Variants in LDHB observed in about 807,000 individuals in gnomAD.
The protein encoded by LDHB is lactate dehydrogenase B, also known as L-lactate dehydrogenase B chain.
Under a neutral mutation model 33.4 loss-of-function variants are expected in LDHB, and 18 were observed. The observed-to-expected ratio is 0.54, with a 90% CI of 0.37 to 0.80. LDHB has a LOEUF of 0.80. LDHB is among the 30% of genes least tolerant of loss of function. The pLI, the probability that LDHB is intolerant of heterozygous loss-of-function variation, is 0.00. For missense variants in LDHB, 345 were observed against 407.9 expected, an observed-to-expected ratio of 0.85 and a Z score of 1.33; for synonymous variants, 121 against 140.6, an observed-to-expected ratio of 0.86 and a Z score of 0.98.
At chr12:21,654,056 A>C (rs1231460954) in intron 2 of LDHB, among the ~76,000 whole-genome samples, 5 of 152,192 alleles carry the variant, frequency 3.3e-5, no homozygotes, top group Admixed American at 6.5e-5. Context: ...ATTCAACCCG[A>C]GCTGAATTAC....
intron 1 of LDHB, chr12:21,657,134 A>G (rs954796368): frequency 6.6e-6 from 1 of 152,158 alleles, no homozygotes; most frequent in African/African-American, 2.4e-5. Flanking sequence ...CCTTACTCGG[A>G]GCACCCAAGG....
intron 2 of LDHB, 59 bp downstream of exon 2, chr12:21,654,484 A>G: frequency 1.3e-6 from 2 of 1,548,876 alleles, no homozygotes; most frequent in South Asian, 1.1e-5. Flanking sequence ...CAAGGTGCCC[A>G]AAGAAACTGT....
chr12:21,652,838 T>C (rs1473592920), intron 2 of LDHB, among the ~76,000 whole-genome samples: 1 of 148,800 alleles, frequency 6.7e-6, no homozygotes, highest in Non-Finnish European at 1.5e-5. Flanking sequence ...TGCAAAAGGA[T>C]AAAATGTTCA....
At chr12:21,647,860 CT>C (rs1938571596) in intron 2 of LDHB, among the ~76,000 whole-genome samples, 1 of 151,992 alleles carries the variant, frequency 6.6e-6, no homozygotes, top group Non-Finnish European at 1.5e-5. Context: ...CCACACCCAG[CT>C]AATTTTTGTA....
Position 21,642,091 on chromosome 12 carries a change from A to G in LDHB, c.456T>C (p.Ser152=). ...DILTYVTWKL[S]GLPKHRVIGS... ...CAATCACGCGGTGTTTGGGTAATCC[A>G]CTTAGTTTCCAGGTAACATACGTAA... The change falls in exon 5 of 8, where the codon AGT becomes AGC. Residue 152 remains serine (S), a synonymous_variant. Coordinates refer to ENST00000350669, the MANE Select transcript of LDHB (RefSeq NM_002300.8). 6.2e-7 allele frequency: 1 copy of G among 1,613,570 alleles called. No individual in the cohort carries two copies. Among genetic ancestry groups the G allele is most frequent in the African/African-American group, 1.3e-5 (1 of 75,020 alleles).
chr12:21,644,434 A>AAAAAAAAAC (rs1938464621), intron 3 of LDHB, among the ~76,000 whole-genome samples: 1 of 104,512 alleles, frequency 9.6e-6, no homozygotes, highest in Non-Finnish European at 1.9e-5. Context: ...CAAAAAAAAA[A>AAAAAAAAAC]AAAAAAAAAA....
Position 21,635,535 on chromosome 12 carries a change from T to C in LDHB, c.*7A>G, listed in dbSNP as rs771048934. ...TTTTTAAATTTCTACAGCCTAGAGC[T>C]CACTAGTCACAGGTCTTTTAGGTCC... is the stretch of plus-strand genomic sequence containing the variant. On this transcript the variant is annotated 3_prime_UTR_variant, in exon 8 of 8. Coordinates refer to ENST00000350669, the MANE Select transcript of LDHB (RefSeq NM_002300.8). 7 of 1,609,438 alleles carry C rather than the reference T, an allele frequency of 4.3e-6. No individual in the cohort carries two copies. Among genetic ancestry groups the C allele is most frequent in the African/African-American group, 1.3e-5 (1 of 74,910 alleles).
chr12:21,643,764 T>C, intron 4 of LDHB, 171 bp downstream of exon 4: 1 of 613,680 alleles, frequency 1.6e-6, no homozygotes, highest in East Asian at 2.7e-5. Context: ...ACATCTGGCC[T>C]GGGACAGAGG....
chr12:21,652,175 T>C (rs1397096286), intron 2 of LDHB, among the ~76,000 whole-genome samples: 2 of 152,236 alleles, frequency 1.3e-5, no homozygotes, highest in Non-Finnish European at 2.9e-5. Context: ...GGCTCAAATT[T>C]TGAGATTAAC....
intron 2 of LDHB, among the ~76,000 whole-genome samples, chr12:21,648,759 C>T (rs747065277): frequency 6.6e-5 from 10 of 152,224 alleles, no homozygotes; most frequent in Admixed American, 2.0e-4. Context: ...TTGCTAAAAT[C>T]TAAGTGGCTG....
chr12:21,641,930 TA>T, intron 5 of LDHB, 21 bp downstream of exon 5: 2 of 1,596,318 alleles, frequency 1.3e-6, no homozygotes, highest in African/African-American at 1.3e-5. Flanking sequence ...CACAAGTAAT[TA>T]TTTCTTTTTT....
chr12:21,638,264 A>G, intron 6 of LDHB, 89 bp downstream of exon 6: 3 of 801,344 alleles, frequency 3.7e-6, no homozygotes. Context: ...TTAAGAGTTT[A>G]TCTGAGCAGA....
chr12:21,646,431 C>A (rs1423623615), intron 3 of LDHB, among the ~76,000 whole-genome samples: 2 of 152,132 alleles, frequency 1.3e-5, no homozygotes, highest in Admixed American at 6.5e-5. Flanking sequence ...GCTATGTGTA[C>A]ATTTTAGCAG....
In LDHB at chr12:21,646,947, G is replaced by A. The variant is rs180857589; in HGVS notation, c.199C>T (p.Gln67Ter). 1 of 1,613,462 alleles carries A rather than the reference G, an allele frequency of 6.2e-7. No individual in the cohort carries two copies. Among genetic ancestry groups the A allele is most frequent in the African/African-American group, 1.3e-5 (1 of 75,026 alleles). The change falls in exon 3 of 8, where the codon CAG becomes TAG. Residue 67 changes from glutamine to a stop codon, truncating the protein, a stop_gained. Transcript: ENST00000350669. LOFTEE classifies it high-confidence loss of function. Reference protein sequence around the residue: ...DKLKGEMMDLQHGSLFLQTPK... With the variant: ...DKLKGEMMDL ...GTCTGAAGAAATAAGCTCCCATGCT[G>A]CAGATCCATCATTTCTCCTTTAAGC...
chr12:21,637,156 C>A lies in LDHB; in HGVS notation c.752G>T (p.Trp251Leu). Reference sequence around the variant, plus strand: ...ATCAGCCACACTTAATCCAATAGCCCAGTTGGTATATCCTTTTAGCTTGAT... The same window carrying A: ...ATCAGCCACACTTAATCCAATAGCCAAGTTGGTATATCCTTTTAGCTTGAT... ...EVIKLKGYTNWAIGLSVADLI... is the reference protein window; with the variant it reads ...EVIKLKGYTNLAIGLSVADLI... Residue 251 changes from tryptophan to leucine, a missense_variant, in exon 7 of 8, where the codon TGG (tryptophan) becomes TTG (leucine). By Grantham distance (61) the Trp-to-Leu change is moderately conservative. Transcript: ENST00000350669. 2.5e-6 allele frequency: 4 copies of A among 1,603,142 alleles called. No individual in the cohort carries two copies. Among genetic ancestry groups the A allele is most frequent in the Non-Finnish European group, 3.4e-6 (4 of 1,170,974 alleles).
chr12:21,644,446 C>CAAAAAAAAAAACAAAAAAA (rs374761135), intron 3 of LDHB, among the ~76,000 whole-genome samples: 61 of 108,756 alleles, frequency 5.6e-4, no homozygotes, highest in Non-Finnish European at 9.8e-4. Flanking sequence ...AAAAAAAAAA[C>CAAAAAAAAAAACAAAAAAA]AAAAACAAAA....
rs759971220 is a variant in LDHB at position 21,644,058 on chromosome 12, G to A, written c.298C>T (p.Arg100Cys). ...SKIVVVTAGVRQQEGESRLNL... is the reference protein window; with the variant it reads ...SKIVVVTAGVCQQEGESRLNL... ...AGCCGACTCTCCCCTTCTTGCTGAC[G>A]GACTCCTGCAGTTACCACTACAATC... is the stretch of plus-strand genomic sequence containing the variant. The change falls in exon 4 of 8, where the codon CGT becomes TGT. Residue 100 changes from arginine to cysteine, a missense_variant. Coordinates refer to ENST00000350669, the MANE Select transcript of LDHB (RefSeq NM_002300.8). The A allele has an allele frequency of 1.8e-5, 29 of 1,613,286 alleles. No homozygotes were observed. The highest frequency in any genetic ancestry group is 2.2e-5 in the Non-Finnish European group (26 of 1,179,358).
chr12:21,636,940 T>C (rs1938234363), intron 7 of LDHB, 131 bp downstream of exon 7: 1 of 832,058 alleles, frequency 1.2e-6, no homozygotes. Flanking sequence ...ATGAGAATAG[T>C]TTACATAAAA....
intron 5 of LDHB, among the ~76,000 whole-genome samples, chr12:21,640,315 AATAT>A (rs1287359559): frequency 7.0e-6 from 1 of 143,132 alleles, no homozygotes; most frequent in Non-Finnish European, 1.5e-5. Flanking sequence ...AAACATTTAT[AATAT>A]AGTTTTAAAT....
Sources: gnomAD v4.1 joint callset for allele counts (sites outside exome capture counted in the v4.1 genomes callset) on GRCh38, gnomAD v4.1.1 for gene constraint, MANE v1.5 for transcripts, NCBI Gene and HGNC (gene_info 2026-07-23, HGNC 2026-07-21) for gene names.